Variants in RANBP17 observed in about 807,000 individuals in gnomAD.
The protein encoded by RANBP17 is RAN binding protein 17.
In RANBP17, 158 loss-of-function variants were observed where a neutral mutation model predicts 141.2. That is an observed-to-expected ratio of 1.12 (90% CI 0.98 to 1.28). The LOEUF (loss-of-function observed/expected upper bound fraction) is 1.28. Ranked by LOEUF, RANBP17 falls within the 50% of genes most tolerant of loss-of-function variation. The probability of loss-of-function intolerance (pLI) is 0.00; values close to 1 mark genes in which losing one functional copy is unlikely to be tolerated. For synonymous variants in RANBP17, 430 were observed against 450.0 expected, an observed-to-expected ratio of 0.96 and a Z score of 0.56; for missense variants, 1,438 against 1,290.7, an observed-to-expected ratio of 1.11 and a Z score of -1.75.
At chr5:171,297,708 T>C (rs1027636711) in intron 27 of RANBP17, among the ~76,000 whole-genome samples, 1 of 152,018 alleles carries the variant, frequency 6.6e-6, no homozygotes. Flanking sequence ...CCTGAGCTGC[T>C]CTGTGAAATG....
At chr5:171,032,980 T>C (rs1344198394) in intron 14 of RANBP17, among the ~76,000 whole-genome samples, 1 of 152,152 alleles carries the variant, frequency 6.6e-6, no homozygotes, top group African/African-American at 2.4e-5. Context: ...AATATATTTG[T>C]TATGCTCAGG....
chr5:171,031,879 C>T (rs1443219128), intron 14 of RANBP17, among the ~76,000 whole-genome samples: 2 of 152,020 alleles, frequency 1.3e-5, no homozygotes, highest in Non-Finnish European at 2.9e-5. Context: ...CTGATGGCTA[C>T]TAATGTCTCA....
At chr5:171,206,811 A>C (rs1285211662) in intron 20 of RANBP17, 1 of 179,362 alleles carries the variant, frequency 5.6e-6, no homozygotes, top group African/African-American at 2.4e-5. Flanking sequence ...AATATACTTC[A>C]TCAGATTTAT....
At chr5:171,063,317 G>A (rs1422733398) in intron 14 of RANBP17, among the ~76,000 whole-genome samples, 1 of 152,140 alleles carries the variant, frequency 6.6e-6, no homozygotes, top group African/African-American at 2.4e-5. Flanking sequence ...TTTGATGATG[G>A]TAATGTACAG....
intron 14 of RANBP17, among the ~76,000 whole-genome samples, chr5:171,030,747 A>T (rs1781502882): frequency 1.3e-5 from 2 of 152,038 alleles, no homozygotes; most frequent in African/African-American, 4.8e-5. Flanking sequence ...TGAACTCAGT[A>T]GGCATGTTTC....
intron 25 of RANBP17, among the ~76,000 whole-genome samples, chr5:171,287,490 C>CA (rs1188089542): frequency 0.1 from 12,216 of 117,284 alleles, 714 homozygotes; most frequent in East Asian, 0.23. Context: ...AACTCCATCT[C>CA]AAAAAAAAAA....
At chr5:170,938,491 C>T (rs562152108) in intron 12 of RANBP17, among the ~76,000 whole-genome samples, 2 of 152,128 alleles carry the variant, frequency 1.3e-5, no homozygotes, top group South Asian at 4.1e-4. Context: ...GATTTAGAAC[C>T]CCTATCTCCT....
At chr5:170,980,468 A>G (rs1308493782) in intron 14 of RANBP17, among the ~76,000 whole-genome samples, 3 of 152,156 alleles carry the variant, frequency 2.0e-5, no homozygotes, top group Non-Finnish European at 4.4e-5. Context: ...TGGTTTCATG[A>G]GCTGGGCCCA....
In RANBP17 at chr5:171,010,685, C is replaced by T. The variant is rs117734120; in HGVS notation, c.1710+42308C>T. 1.2e-3 allele frequency among the ~76,000 whole-genome samples: 183 copies of T among 151,996 alleles called. 4 individuals are homozygous for T. The East Asian group carries it at 0.032, about 27-fold the overall frequency. On this transcript the variant is annotated intron_variant, in intron 14 of 27. Transcript: ENST00000523189. ...GGAAAAATGAGGAAATTCCCCTATC[C>T]CCCACAAAAAACCAGTATCAGGAAT... is the stretch of plus-strand genomic sequence containing the variant.
At chr5:171,255,918 T>A (rs1765855559) in intron 24 of RANBP17, among the ~76,000 whole-genome samples, 1 of 152,154 alleles carries the variant, frequency 6.6e-6, no homozygotes, top group African/African-American at 2.4e-5. Context: ...CTAAATTAAA[T>A]CCCACTTCTT....
intron 14 of RANBP17, among the ~76,000 whole-genome samples, chr5:171,079,136 A>C (rs976059274): frequency 7.9e-5 from 12 of 152,296 alleles, no homozygotes; most frequent in African/African-American, 2.9e-4. Flanking sequence ...TCTAACCCTC[A>C]TGGATGACTC....
At chr5:171,058,462 T>C (rs889768229) in intron 14 of RANBP17, among the ~76,000 whole-genome samples, 8 of 151,832 alleles carry the variant, frequency 5.3e-5, no homozygotes, top group Non-Finnish European at 1.0e-4. Flanking sequence ...ATTTCCAATT[T>C]CATCCATGTC....
At chr5:171,169,979 T>A (rs73323447) in intron 14 of RANBP17, 151 bp from the exon 15 acceptor site, 1 of 409,084 alleles carries the variant, frequency 2.4e-6, no homozygotes, top group African/African-American at 2.1e-5. Context: ...ATTATAAGAT[T>A]CTTTTTAAAA....
chr5:171,234,067 A>AC (rs1159241518), intron 22 of RANBP17, among the ~76,000 whole-genome samples: 21 of 152,128 alleles, frequency 1.4e-4, no homozygotes, highest in East Asian at 3.9e-4. Flanking sequence ...AAAAAAAAAA[A>AC]ATACACACAC....
intron 14 of RANBP17, among the ~76,000 whole-genome samples, chr5:171,059,566 G>A (rs1419351856): frequency 2.0e-5 from 3 of 152,142 alleles, no homozygotes; most frequent in Admixed American, 1.3e-4. Context: ...GGTTACTGTA[G>A]CCTTGTAGTG....
At chr5:171,096,173 C>T (rs966604552) in intron 14 of RANBP17, among the ~76,000 whole-genome samples, 6 of 152,038 alleles carry the variant, frequency 3.9e-5, no homozygotes, top group African/African-American at 1.4e-4. Flanking sequence ...TAAGTGGACC[C>T]GCACAGTTCA....
chr5:171,035,820 G>A (rs1006547473), intron 14 of RANBP17, among the ~76,000 whole-genome samples: 2 of 143,416 alleles, frequency 1.4e-5, no homozygotes, highest in African/African-American at 5.1e-5. Context: ...TGGGTATACT[G>A]TATAATGCTG....
At chr5:171,217,225 T>C (rs1052212975) in intron 21 of RANBP17, among the ~76,000 whole-genome samples, 1 of 152,218 alleles carries the variant, frequency 6.6e-6, no homozygotes, top group African/African-American at 2.4e-5. Flanking sequence ...TTGATTTGCA[T>C]ATGTTGAACC....
chr5:171,057,927 G>C (rs1262674284), intron 14 of RANBP17, among the ~76,000 whole-genome samples: 1 of 152,076 alleles, frequency 6.6e-6, no homozygotes, highest in Non-Finnish European at 1.5e-5. Flanking sequence ...ATTACAATTG[G>C]AGGTGAGATT....
Sources: allele counts gnomAD v4.1 joint callset (sites outside exome capture counted in the v4.1 genomes callset), GRCh38; gene constraint gnomAD v4.1.1; transcripts MANE v1.5; gene names NCBI Gene and HGNC (gene_info 2026-07-23, HGNC 2026-07-21).